KIAA1328: variants seen among roughly 807,000 people sequenced by gnomAD.
KIAA1328 encodes the protein protein hinderin.
In KIAA1328, 52 loss-of-function variants were observed where a neutral mutation model predicts 68.1. The observed-to-expected ratio is 0.76, with a 90% CI of 0.61 to 0.96. KIAA1328 has a LOEUF of 0.96. Ranked by LOEUF, KIAA1328 falls within the 40% of genes least tolerant of loss-of-function variation. The probability of loss-of-function intolerance (pLI) is 0.00; values close to 1 mark genes in which losing one functional copy is unlikely to be tolerated. For missense variants in KIAA1328, 641 were observed against 677.6 expected, an observed-to-expected ratio of 0.95 and a Z score of 0.60; for synonymous variants, 232 against 239.4, an observed-to-expected ratio of 0.97 and a Z score of 0.28.
At chr18:37,100,789 C>T (rs1014078722) in intron 7 of KIAA1328, among the ~76,000 whole-genome samples, 3 of 152,174 alleles carry the variant, frequency 2.0e-5, no homozygotes, top group African/African-American at 7.2e-5. Flanking sequence ...CAGACCGACA[C>T]CTCACACGGC....
intron 9 of KIAA1328, among the ~76,000 whole-genome samples, chr18:37,202,109 A>T (rs2060125851): frequency 6.6e-6 from 1 of 151,466 alleles, no homozygotes; most frequent in South Asian, 2.1e-4. Flanking sequence ...ATTCTGGAGA[A>T]ATCAGGCCTA....
intron 5 of KIAA1328, among the ~76,000 whole-genome samples, chr18:36,924,743 G>A (rs1003376363): frequency 3.3e-5 from 5 of 151,860 alleles, no homozygotes; most frequent in African/African-American, 1.2e-4. Context: ...ATATTTATTA[G>A]GTATAGAAAG....
chr18:37,079,245 C>G lies in KIAA1328; in HGVS notation c.1232+11700C>G, dbSNP rs1361587004. On this transcript the variant is annotated intron_variant, in intron 7 of 9. Transcript: ENST00000280020. ...TATCGCAAGGACAGAAAACCAAACA[C>G]TGCATGTTCTCACTCTTAGGTGGGA... Among the ~76,000 whole-genome samples the G allele has an allele frequency of 2.6e-5, 3 of 113,388 alleles. 1 individual carries two copies. Among genetic ancestry groups the G allele is most frequent in the Non-Finnish European group, 5.1e-5 (3 of 58,506 alleles). 74.4% of individuals were successfully genotyped at this position (113,388 alleles called of 152,430 possible).
chr18:37,034,684 A>T (rs1051859679), intron 6 of KIAA1328, among the ~76,000 whole-genome samples: 1 of 152,236 alleles, frequency 6.6e-6, no homozygotes, highest in Non-Finnish European at 1.5e-5. Context: ...ATACTCTTAA[A>T]TAATAAAGAA....
At chr18:36,962,275 C>G (rs1394382308) in intron 6 of KIAA1328, among the ~76,000 whole-genome samples, 1 of 152,154 alleles carries the variant, frequency 6.6e-6, no homozygotes, top group Non-Finnish European at 1.5e-5. Flanking sequence ...AGCTAACTAT[C>G]CTAAATATAT....
At chr18:36,918,435 C>T (rs1342992409) in intron 5 of KIAA1328, among the ~76,000 whole-genome samples, 6 of 127,098 alleles carry the variant, frequency 4.7e-5, no homozygotes, top group Admixed American at 9.1e-5. Flanking sequence ...TTTTTTGAGA[C>T]GGAGTCTTGC....
At position 37,197,530 on chromosome 18, in the gene KIAA1328, G is replaced by A. The variant is rs577452726; in HGVS notation, c.1523+24449G>A. Among the ~76,000 whole-genome samples the A allele has an allele frequency of 2.0e-5, 3 of 152,224 alleles. No homozygotes were observed. In the South Asian group the frequency reaches 6.2e-4, roughly 32 times the overall value. On this transcript the variant is annotated intron_variant, in intron 9 of 9. Coordinates refer to ENST00000280020, the MANE Select transcript of KIAA1328 (RefSeq NM_020776.3). Reference sequence around the variant, plus strand: ...TTTTCTGGAGAAACAGAGAAGAAAAGACTCAGGAATGTTGTGTACTTTGGA... The same window carrying A: ...TTTTCTGGAGAAACAGAGAAGAAAAAACTCAGGAATGTTGTGTACTTTGGA...
intron 5 of KIAA1328, among the ~76,000 whole-genome samples, chr18:36,929,640 T>G (rs1246036516): frequency 1.3e-5 from 2 of 152,010 alleles, no homozygotes; most frequent in African/African-American, 2.4e-5. Context: ...AGGAAGGCCT[T>G]TTGGGAGGTA....
chr18:36,859,265 TA>T (rs1360523408), intron 4 of KIAA1328, among the ~76,000 whole-genome samples: 1 of 152,100 alleles, frequency 6.6e-6, no homozygotes, highest in Non-Finnish European at 1.5e-5. Context: ...CTTTATTTTT[TA>T]ATTTTCTTTC....
chr18:36,972,995 G>A (rs2052294057), intron 6 of KIAA1328, among the ~76,000 whole-genome samples: 1 of 152,078 alleles, frequency 6.6e-6, no homozygotes, highest in African/African-American at 2.4e-5. Context: ...ATGCTGCCGT[G>A]GTAGCTGACT....
intron 5 of KIAA1328, chr18:36,895,909 G>T: frequency 2.7e-6 from 1 of 370,222 alleles, no homozygotes. Context: ...GAAGGTAGAA[G>T]CCTGAAAGCC....
chr18:37,201,573 T>A (rs79033467), intron 9 of KIAA1328, among the ~76,000 whole-genome samples: 3,174 of 152,308 alleles, frequency 0.021, 65 homozygotes, highest in East Asian at 0.1. Flanking sequence ...CTGGTATGAT[T>A]GTTTGCATAA....
intron 5 of KIAA1328, among the ~76,000 whole-genome samples, chr18:36,906,061 G>A (rs1276541867): frequency 5.9e-5 from 9 of 152,066 alleles, no homozygotes; most frequent in African/African-American, 1.9e-4. Flanking sequence ...TCTACCTTTA[G>A]TCTTACTATC....
chr18:37,193,141 G>T (rs1047905004), intron 9 of KIAA1328, among the ~76,000 whole-genome samples: 2 of 152,078 alleles, frequency 1.3e-5, no homozygotes, highest in African/African-American at 2.4e-5. Context: ...TGAAGAAGAG[G>T]ATAGAGTAAC....
chr18:37,022,882 G>T (rs990697523), intron 6 of KIAA1328, among the ~76,000 whole-genome samples: 1 of 152,128 alleles, frequency 6.6e-6, no homozygotes, highest in African/African-American at 2.4e-5. Context: ...CATTCTGTTG[G>T]CTTTAGGATA....
At chr18:37,077,818 G>A (rs886374842) in intron 7 of KIAA1328, among the ~76,000 whole-genome samples, 5 of 150,952 alleles carry the variant, frequency 3.3e-5, no homozygotes, top group Non-Finnish European at 7.4e-5. Flanking sequence ...ACTGCTCAAT[G>A]AAATAAAAGA....
At chr18:37,137,481 A>C (rs2058670543) in intron 7 of KIAA1328, among the ~76,000 whole-genome samples, 1 of 152,124 alleles carries the variant, frequency 6.6e-6, no homozygotes, top group African/African-American at 2.4e-5. Flanking sequence ...TTCCTGGTCT[A>C]CTATATCACT....
intron 7 of KIAA1328, among the ~76,000 whole-genome samples, chr18:37,105,542 A>G (rs938706660): frequency 1.3e-5 from 2 of 150,402 alleles, no homozygotes; most frequent in Non-Finnish European, 3.0e-5. Context: ...GCAGAAAAGT[A>G]TTTGCTATTA....
At chr18:37,027,900 G>T (rs1216240731) in intron 6 of KIAA1328, among the ~76,000 whole-genome samples, 1 of 152,114 alleles carries the variant, frequency 6.6e-6, no homozygotes, top group Non-Finnish European at 1.5e-5. Flanking sequence ...CTTCTGCACA[G>T]CAAAAGAAAC....
Sources: gnomAD v4.1 joint callset for allele counts (sites outside exome capture counted in the v4.1 genomes callset) on GRCh38, gnomAD v4.1.1 for gene constraint, MANE v1.5 for transcripts, NCBI Gene and HGNC (gene_info 2026-07-23, HGNC 2026-07-21) for gene names.